The following ABHD16A variants were observed in gnomAD, a reference collection of about 807,000 sequenced individuals.
ABHD16A encodes abhydrolase domain containing 16A, phospholipase, also known as phosphatidylserine lipase ABHD16A.
A neutral mutation model predicts 89.8 loss-of-function variants in ABHD16A; 47 were observed. The observed-to-expected ratio is 0.52, with a 90% CI of 0.41 to 0.67. The LOEUF (loss-of-function observed/expected upper bound fraction) is 0.67, where lower values mean the gene tolerates loss of function less well. Ranked by LOEUF, ABHD16A falls within the 30% of genes least tolerant of loss-of-function variation. The probability of loss-of-function intolerance (pLI) is 0.00; values close to 1 mark genes in which losing one functional copy is unlikely to be tolerated. For synonymous variants in ABHD16A, 251 were observed against 280.4 expected, an observed-to-expected ratio of 0.90 and a Z score of 1.05; for missense variants, 580 against 734.6, an observed-to-expected ratio of 0.79 and a Z score of 2.43.
chr6:31,691,470 T>C, intron 9 of ABHD16A, 109 bp downstream of exon 9: 1 of 921,236 alleles, frequency 1.1e-6, no homozygotes, highest in Non-Finnish European at 1.7e-6. Context: ...GGACATGAGA[T>C]TATCCCCAGT....
chr6:31,702,738 G>C lies in ABHD16A; in HGVS notation c.132+412C>G, dbSNP rs556875744. ...TTCTGAAATTCAAGGCGAGGGTAAA[G>C]GGAAGATAAAAACAGAGCCGGGGGA... On this transcript the variant is annotated intron_variant, in intron 1 of 19. Transcript: ENST00000395952. The C allele has an allele frequency of 7.1e-6, 11 of 1,538,826 alleles. No individual in the cohort carries two copies. The South Asian group carries it at 1.1e-4, about 15-fold the overall frequency.
chr6:31,687,757 A>G lies in ABHD16A; in HGVS notation c.1448-17T>C, dbSNP rs1470853825. 1 of 1,612,686 alleles carries G rather than the reference A, an allele frequency of 6.2e-7. No homozygotes were observed. The highest frequency in any genetic ancestry group is 1.7e-5 in the Admixed American group (1 of 60,006). ...AAATTGAGGCTGGTCAGGGAGAGAG[A>G]TGACAGCCAGTCAGCAACCTGACCT... is the stretch of plus-strand genomic sequence containing the variant. On this transcript the variant is annotated splice_polypyrimidine_tract_variant and intron_variant, in intron 17 of 19. Coordinates refer to ENST00000395952, the MANE Select transcript of ABHD16A (RefSeq NM_021160.3). The surrounding 1 kb of genome is among the most constrained non-coding windows in gnomAD (Gnocchi z 6.3).
chr6:31,688,645 A>G lies in ABHD16A; in HGVS notation c.1250+78T>C. On this transcript the variant is annotated intron_variant, in intron 14 of 19. Transcript: ENST00000395952. The surrounding 1 kb of genome is among the most constrained non-coding windows in gnomAD (Gnocchi z 4.9). ...GCCTTTTACCAACTTGCACTTTAGT[A>G]CTAGTTTCAGGGTTTGAGCGCCCAG... 2 of 1,509,634 alleles carry G rather than the reference A, an allele frequency of 1.3e-6. No individual in the cohort carries two copies. The highest frequency in any genetic ancestry group is 1.8e-6 in the Non-Finnish European group (2 of 1,092,120). 93.5% of individuals were successfully genotyped at this position (1,509,634 alleles called of 1,614,324 possible). A position where few individuals can be genotyped will look rare whatever the true frequency, so the allele number is the denominator to read the frequency against.
intron 1 of ABHD16A, 119 bp from the exon 2 acceptor site, chr6:31,702,249 C>T (rs1294051324): frequency 3.1e-6 from 3 of 967,322 alleles, no homozygotes; most frequent in Non-Finnish European, 4.7e-6. Flanking sequence ...TCTCTTGAAA[C>T]ATCCCTGGCC....
chr6:31,689,663 C>G lies in ABHD16A; in HGVS notation c.999G>C (p.Val333=). 1 of 1,612,614 alleles carries G rather than the reference C, an allele frequency of 6.2e-7. No individual in the cohort carries two copies. The highest frequency in any genetic ancestry group is 1.1e-5 in the South Asian group (1 of 91,020). Residue 333 remains valine (V), a synonymous_variant, in exon 12 of 20, where the codon GTG becomes GTC. Coordinates refer to ENST00000395952, the MANE Select transcript of ABHD16A (RefSeq NM_021160.3). ...FPQNEANAMD[V]VVQFAIHRLG... The stretch of plus-strand genomic sequence containing the variant: ...GGCGGTGGATGGCAAACTGGACCAC[C>G]ACATCCATGGCATTAGCCTCATTCT...
intron 11 of ABHD16A, 39 bp from the exon 12 acceptor site, chr6:31,689,743 C>T: frequency 6.3e-7 from 1 of 1,582,964 alleles, no homozygotes; most frequent in Non-Finnish European, 8.6e-7. Context: ...GTGTCAGCAC[C>T]AAAGGCCAGC....
intron 7 of ABHD16A, 69 bp downstream of exon 7, chr6:31,692,958 C>T: frequency 6.2e-7 from 1 of 1,608,340 alleles, no homozygotes; most frequent in Non-Finnish European, 8.5e-7. Flanking sequence ...CAATGGAGCG[C>T]CCACTCCCAG....
In ABHD16A at chr6:31,693,379, G is replaced by A. The variant is rs1301811307; in HGVS notation, c.483C>T (p.His161=). 6.2e-7 allele frequency: 1 copy of A among 1,613,100 alleles called. No individual in the cohort carries two copies. Residue 161 remains histidine, a synonymous_variant, in exon 6 of 20, where the codon CAC becomes CAT. Transcript: ENST00000395952. This position sits in a 1 kb window ranked among gnomAD's most constrained non-coding sequence, Gnocchi z 5.0. The part of the protein sequence containing the change: ...FDFRSWPVDF[H]WEEPSSRKES... The stretch of plus-strand genomic sequence containing the variant: ...CTCACCGGCTGCTGGGTTCTTCCCA[G>A]TGGAAGTCGACTGGCCAGCTCCGGA...
Position 31,691,645 on chromosome 6 carries a change from A to G in ABHD16A, c.777T>C (p.Asp259=). The G allele has an allele frequency of 6.2e-7, 1 of 1,611,712 alleles. No individual in the cohort carries two copies. Among genetic ancestry groups the G allele is most frequent in the Non-Finnish European group, 8.5e-7 (1 of 1,179,658 alleles). The change falls in exon 9 of 20, where the codon GAT becomes GAC. Residue 259 remains aspartate (D), a synonymous_variant. Coordinates refer to ENST00000395952, the MANE Select transcript of ABHD16A (RefSeq NM_021160.3). Reference sequence around the variant, plus strand: ...CAAACATGGTGTCAATCTCATTGCCATCACAGGCCAGCAGCTTTGCCCGGC... The same window carrying G: ...CAAACATGGTGTCAATCTCATTGCCGTCACAGGCCAGCAGCTTTGCCCGGC... ...NGRRAKLLAC[D]GNEIDTMFVD...
intron 9 of ABHD16A, 112 bp downstream of exon 9, chr6:31,691,467 A>C (rs1261905490): frequency 5.6e-6 from 5 of 893,048 alleles, no homozygotes; most frequent in Non-Finnish European, 8.8e-6. Flanking sequence ...CTAGGACATG[A>C]GATTATCCCC....
intron 1 of ABHD16A, 174 bp downstream of exon 1, chr6:31,702,976 G>A: frequency 7.5e-7 from 1 of 1,339,274 alleles, no homozygotes; most frequent in Non-Finnish European, 9.6e-7. Flanking sequence ...AAAGGAGGCG[G>A]CCAGTCCGTA....
Position 31,688,125 on chromosome 6 carries a change from C to T in ABHD16A, c.1308-22G>A. 1.9e-6 allele frequency: 3 copies of T among 1,608,846 alleles called. No individual in the cohort carries two copies. The highest frequency in any genetic ancestry group is 2.5e-6 in the Non-Finnish European group (3 of 1,176,762). ...AACCCTGGGGGTGAGAAGAATGTAC[C>T]CTGGAGGGGCTGGAGGTTAGGAGGA... On this transcript the variant is annotated intron_variant, in intron 15 of 19. Coordinates refer to ENST00000395952, the MANE Select transcript of ABHD16A (RefSeq NM_021160.3). The surrounding 1 kb of genome is among the most constrained non-coding windows in gnomAD (Gnocchi z 4.9).
chr6:31,699,222 C>T (rs905295638), intron 4 of ABHD16A, among the ~76,000 whole-genome samples: 3 of 151,728 alleles, frequency 2.0e-5, no homozygotes, highest in Admixed American at 6.6e-5. Context: ...CTGGCTAACA[C>T]GGTGAAACCC....
chr6:31,693,908 C>T lies in ABHD16A; in HGVS notation c.430-476G>A, dbSNP rs1313761546. Among the ~76,000 whole-genome samples the T allele has an allele frequency of 1.3e-5, 2 of 152,210 alleles. No individual in the cohort carries two copies. Among genetic ancestry groups the T allele is most frequent in the Non-Finnish European group, 2.9e-5 (2 of 68,040 alleles). The stretch of plus-strand genomic sequence containing the variant: ...GGAGGGAAGTCACGCCCACAGTGGG[C>T]TCCTCTGCCATGTGGGGCCACCCGT... On this transcript the variant is annotated intron_variant, in intron 5 of 19. Coordinates refer to ENST00000395952, the MANE Select transcript of ABHD16A (RefSeq NM_021160.3). This position sits in a 1 kb window ranked among gnomAD's most constrained non-coding sequence, Gnocchi z 5.0.
chr6:31,692,318 C>T (rs1803968666), intron 7 of ABHD16A: 2 of 170,064 alleles, frequency 1.2e-5, no homozygotes, highest in Admixed American at 5.8e-5. Context: ...TAATTCAAAA[C>T]CTCAAATATG....
rs1232166239 is a variant in ABHD16A, at chr6:31,698,982, T to TA, written c.344-1950dup. On this transcript the variant is annotated intron_variant, in intron 4 of 19. Transcript: ENST00000395952. The surrounding 1 kb of genome is among the most constrained non-coding windows in gnomAD (Gnocchi z 4.1). ...ATGTACATAAAACATATATTCAGTT[T>TA]AAAAAATACAAAGCAAACATTCATG... Among the ~76,000 whole-genome samples, 1 of 152,132 alleles carries TA rather than the reference T, an allele frequency of 6.6e-6. No individual in the cohort carries two copies. The highest frequency in any genetic ancestry group is 2.4e-5 in the African/African-American group (1 of 41,418).
rs765507154 is a variant in ABHD16A at position 31,688,107 on chromosome 6, G to T, written c.1308-4C>A. 1.4e-5 allele frequency: 23 copies of T among 1,611,502 alleles called. No individual in the cohort carries two copies. The highest frequency in any genetic ancestry group is 1.9e-5 in the Non-Finnish European group (22 of 1,178,364). Reference sequence around the variant, plus strand: ...GGACATGATGTCCTCAGGAACCCTGGGGGTGAGAAGAATGTACCCTGGAGG... The same window carrying T: ...GGACATGATGTCCTCAGGAACCCTGTGGGTGAGAAGAATGTACCCTGGAGG... On this transcript the variant is annotated splice_polypyrimidine_tract_variant and splice_region_variant and intron_variant, in intron 15 of 19. Coordinates refer to ENST00000395952, the MANE Select transcript of ABHD16A (RefSeq NM_021160.3). The surrounding 1 kb of genome is among the most constrained non-coding windows in gnomAD (Gnocchi z 4.9).
chr6:31,702,827 A>G (rs1805158308), intron 1 of ABHD16A: 6 of 1,404,622 alleles, frequency 4.3e-6, no homozygotes, highest in Non-Finnish European at 5.6e-6. Flanking sequence ...ACGGCTCCCC[A>G]GTCCGCGCAG....
chr6:31,703,179 C>T lies in ABHD16A; in HGVS notation c.103G>A (p.Ala35Thr). The change falls in exon 1 of 20, where the codon GCA becomes ACA. Residue 35 changes from alanine (A) to threonine (T), a missense_variant. Ala to Thr is a moderately conservative substitution (Grantham distance 58). Coordinates refer to ENST00000395952, the MANE Select transcript of ABHD16A (RefSeq NM_021160.3). ...GAGCTGGAATGGGGGGCAGTGACTG[C>T]CGTTGGCGTCTCAGGGACGCTGGCC... is the stretch of plus-strand genomic sequence containing the variant. ...APASVPETPTAVTAPHSSSWD... is the reference protein window; with the variant it reads ...APASVPETPTTVTAPHSSSWD... 1 of 1,435,410 alleles carries T rather than the reference C, an allele frequency of 7.0e-7. No individual in the cohort carries two copies. Among genetic ancestry groups the T allele is most frequent in the Non-Finnish European group, 9.2e-7 (1 of 1,087,718 alleles). 88.9% of individuals were successfully genotyped at this position (1,435,410 alleles called of 1,614,324 possible).
Sources: allele counts gnomAD v4.1 joint callset (sites outside exome capture counted in the v4.1 genomes callset), GRCh38; gene constraint gnomAD v4.1.1; non-coding constraint Gnocchi (gnomAD v3.1); transcripts MANE v1.5; gene names NCBI Gene and HGNC (gene_info 2026-07-23, HGNC 2026-07-21).